Variants in USHBP1 observed in about 807,000 individuals in gnomAD.
USHBP1 encodes harmonin-binding protein USHBP1.
Under a neutral mutation model 76.2 loss-of-function variants are expected in USHBP1, and 67 were observed. The observed-to-expected ratio is 0.88, with a 90% confidence interval of 0.72 to 1.08. The LOEUF (loss-of-function observed/expected upper bound fraction) is 1.08, where lower values mean the gene tolerates loss of function less well. Ranked by LOEUF, USHBP1 falls within the 50% of genes least tolerant of loss-of-function variation. The pLI, the probability that USHBP1 is intolerant of heterozygous loss-of-function variation, is 0.00. For synonymous variants in USHBP1, 322 were observed against 362.2 expected, an observed-to-expected ratio of 0.89 and a Z score of 1.26; for missense variants, 931 against 915.0, an observed-to-expected ratio of 1.02 and a Z score of -0.23.
In USHBP1 at chr19:17,250,230, G is replaced by A. The variant is rs757600044; in HGVS notation, c.2107C>T (p.Leu703=). 1 of 1,607,492 alleles carries A rather than the reference G, an allele frequency of 6.2e-7. No homozygotes were observed. The highest frequency in any genetic ancestry group is 1.3e-5 in the African/African-American group (1 of 74,688). The change falls in exon 13 of 13, where the codon CTG becomes TTG. Residue 703 remains leucine, a synonymous_variant. Coordinates refer to ENST00000252597, the MANE Select transcript of USHBP1 (RefSeq NM_031941.4). Reference sequence around the variant, plus strand: ...GACATGGCTGGGTAAGGGGCCTACAGAAAGGTGTCCCCAAGCTGGGGAGGC... The same window carrying A: ...GACATGGCTGGGTAAGGGGCCTACAAAAAGGTGTCCCCAAGCTGGGGAGGC... ...LPPPQLGDTF[L] is the part of the protein sequence containing the mutation.
At chr19:17,256,853 C>T (rs2073626341) in intron 8 of USHBP1, 133 bp from the exon 9 acceptor site, 2 of 1,336,194 alleles carry the variant, frequency 1.5e-6, no homozygotes, top group South Asian at 2.8e-5. Context: ...TTTGGTGGTC[C>T]CTGTCACACC....
intron 11 of USHBP1, 99 bp downstream of exon 11, chr19:17,251,812 C>T: frequency 6.4e-7 from 1 of 1,564,828 alleles, no homozygotes; most frequent in Non-Finnish European, 8.6e-7. Flanking sequence ...CACCTGTACA[C>T]CGGGGTACAC....
chr19:17,256,402 C>G (rs935256928), intron 9 of USHBP1, 69 bp downstream of exon 9: 2 of 1,588,352 alleles, frequency 1.3e-6, no homozygotes, highest in African/African-American at 1.3e-5. Context: ...GCTCCTTGGT[C>G]CCCCGACCTC....
At chr19:17,264,635 C>G (rs1432163980) in intron 1 of USHBP1, 36 bp downstream of exon 1, 2 of 365,294 alleles carry the variant, frequency 5.5e-6, no homozygotes, top group East Asian at 6.0e-5. Flanking sequence ...CCTCTCCTCC[C>G]CGGCCCTCCT....
intron 10 of USHBP1, among the ~76,000 whole-genome samples, chr19:17,252,648 A>G (rs925898941): frequency 5.3e-5 from 8 of 151,710 alleles, no homozygotes; most frequent in Non-Finnish European, 1.0e-4. Context: ...AATCGCTTGA[A>G]CTTGGGAGGC....
chr19:17,259,947 C>T lies in USHBP1; in HGVS notation c.718G>A (p.Gly240Ser). ...GCCTCAGAGCTGCTAGAACCACTGC[C>T]TGAGCCACCTGCTTGGTTGTGGGAA... Reference protein sequence around the residue: ...HLSHNQAGGSGSGSSSSEADR... With the variant: ...HLSHNQAGGSSSGSSSSEADR... The change falls in exon 5 of 13, where the codon GGC becomes AGC. Residue 240 changes from glycine (G) to serine (S), a missense_variant. Transcript: ENST00000252597. 1 of 1,614,098 alleles carries T rather than the reference C, an allele frequency of 6.2e-7. No individual in the cohort carries two copies. The highest frequency in any genetic ancestry group is 8.5e-7 in the Non-Finnish European group (1 of 1,179,984).
Position 17,259,941 on chromosome 19 carries a change from C to A in USHBP1, c.724G>T (p.Gly242Cys). ...CTGTCTGCCTCAGAGCTGCTAGAAC[C>A]ACTGCCTGAGCCACCTGCTTGGTTG... ...SHNQAGGSGS[G>C]SSSSEADREP... Residue 242 changes from glycine (G) to cysteine (C), a missense_variant, in exon 5 of 13, where the codon GGT becomes TGT. Coordinates refer to ENST00000252597, the MANE Select transcript of USHBP1 (RefSeq NM_031941.4). The A allele has an allele frequency of 6.2e-7, 1 of 1,614,072 alleles. No individual in the cohort carries two copies. The highest frequency in any genetic ancestry group is 1.1e-5 in the South Asian group (1 of 91,080).
rs34349584 is a variant in USHBP1 at position 17,262,763 on chromosome 19, G to C, written c.431C>G (p.Ser144Cys). 3 of 1,614,218 alleles carry C rather than the reference G, an allele frequency of 1.9e-6. No homozygotes were observed. The highest frequency in any genetic ancestry group is 2.5e-6 in the Non-Finnish European group (3 of 1,180,032). Residue 144 changes from serine (S) to cysteine (C), a missense_variant, in exon 4 of 13, where the codon TCT becomes TGT. Coordinates refer to ENST00000252597, the MANE Select transcript of USHBP1 (RefSeq NM_031941.4). ...AAWRHQPPSH[S>C]GPMEFEGTSE... Reference sequence around the variant, plus strand: ...TGTGCCTTCGAACTCCATCGGCCCAGAATGGCTGGGGGGCTGGTGGCGCCA... The same window carrying C: ...TGTGCCTTCGAACTCCATCGGCCCACAATGGCTGGGGGGCTGGTGGCGCCA...
rs1414115336 is a variant in USHBP1 at position 17,259,486 on chromosome 19, T to G, written c.906-57A>C. ...AGAGGCCTTCTAAGGCAGTCAGGCC[T>G]CAATTTCCACCCTTTCCCTCCCTCC... On this transcript the variant is annotated intron_variant, in intron 6 of 12. Coordinates refer to ENST00000252597, the MANE Select transcript of USHBP1 (RefSeq NM_031941.4). 2.5e-6 allele frequency: 4 copies of G among 1,609,708 alleles called. No individual in the cohort carries two copies. In the Admixed American group the frequency reaches 6.9e-5, roughly 28 times the overall value.
At chr19:17,256,840 A>G in intron 8 of USHBP1, 120 bp from the exon 9 acceptor site, 11 of 1,430,542 alleles carry the variant, frequency 7.7e-6, no homozygotes, top group Non-Finnish European at 1.0e-5. Flanking sequence ...AATCTATGCC[A>G]TCTTTGGTGG....
In USHBP1 at chr19:17,255,505, G is replaced by T. The variant is rs368256280; in HGVS notation, c.1572C>A (p.His524Gln). 1.9e-6 allele frequency: 3 copies of T among 1,613,912 alleles called. No individual in the cohort carries two copies. The highest frequency in any genetic ancestry group is 3.3e-4 in the Middle Eastern group (2 of 6,060). Residue 524 changes from histidine (H) to glutamine (Q), a missense_variant, in exon 10 of 13, where the codon CAC (histidine) becomes CAA (glutamine). Transcript: ENST00000252597. ...EAALRALGPA[H>Q]VLLLEQLRWE... Reference sequence around the variant, plus strand: ...ACCGCAGCTGCTCCAGCAGGAGCACGTGAGCTGGACCCAGGGCTCGGAGGG... The same window carrying T: ...ACCGCAGCTGCTCCAGCAGGAGCACTTGAGCTGGACCCAGGGCTCGGAGGG...
chr19:17,254,205 G>C (rs1023648666), intron 10 of USHBP1, among the ~76,000 whole-genome samples: 2 of 152,034 alleles, frequency 1.3e-5, no homozygotes, highest in Non-Finnish European at 2.9e-5. Context: ...AAATTAGCCG[G>C]GTGTGGTGGC....
intron 7 of USHBP1, chr19:17,258,706 C>CT: frequency 5.3e-6 from 1 of 189,858 alleles, no homozygotes; most frequent in Non-Finnish European, 9.8e-6. Context: ...AAGACTCTGT[C>CT]TCAAAAAAAA....
Position 17,264,127 on chromosome 19 carries a change from C to G in USHBP1, c.78G>C (p.Glu26Asp), listed in dbSNP as rs773882958. The G allele has an allele frequency of 4.3e-5, 69 of 1,613,854 alleles. No individual in the cohort carries two copies. Among genetic ancestry groups the G allele is most frequent in the Non-Finnish European group, 4.9e-5 (58 of 1,179,886 alleles). Residue 26 changes from glutamate to aspartate, a missense_variant, in exon 3 of 13, where the codon GAG becomes GAC. Physicochemically the swap from Glu to Asp is conservative, Grantham distance 45 (BLOSUM62 2). Coordinates refer to ENST00000252597, the MANE Select transcript of USHBP1 (RefSeq NM_031941.4). ...APPGELDPVAESSEEVEAASG... is the reference protein window; with the variant it reads ...APPGELDPVADSSEEVEAASG... The stretch of plus-strand genomic sequence containing the variant: ...TGGCTGCCTCGACCTCCTCTGAACT[C>G]TCAGCCACGGGATCCAGTTCACCCT...
intron 10 of USHBP1, among the ~76,000 whole-genome samples, chr19:17,253,325 G>GC (rs764277849): frequency 4.1e-4 from 7 of 16,924 alleles, no homozygotes; most frequent in African/African-American, 3.3e-3. Context: ...ACGGAGTCTC[G>GC]TCGCCCAGGC....
At chr19:17,250,486 C>T in intron 12 of USHBP1, 72 bp from the exon 13 acceptor site, 1 of 1,511,846 alleles carries the variant, frequency 6.6e-7, no homozygotes, top group Non-Finnish European at 8.9e-7. Context: ...TGTACTCCCA[C>T]TCCCAGAATG....
intron 7 of USHBP1, among the ~76,000 whole-genome samples, chr19:17,259,066 G>A (rs2073656277): frequency 1.3e-5 from 2 of 152,098 alleles, no homozygotes; most frequent in African/African-American, 4.8e-5. Flanking sequence ...TCAGGAGGCT[G>A]AGACATGAGT....
intron 10 of USHBP1, 73 bp downstream of exon 10, chr19:17,255,312 A>T (rs76554532): frequency 7.5e-7 from 1 of 1,339,590 alleles, no homozygotes. Flanking sequence ...AAAAAAAAAA[A>T]GGCTGTGATT....
chr19:17,250,887 T>C (rs996598161), intron 12 of USHBP1, among the ~76,000 whole-genome samples: 1 of 149,692 alleles, frequency 6.7e-6, no homozygotes, highest in Admixed American at 6.7e-5. Context: ...TGAGATGGGG[T>C]TTCGCTCTTG....
Sources: allele counts gnomAD v4.1 joint callset (sites outside exome capture counted in the v4.1 genomes callset), GRCh38; gene constraint gnomAD v4.1.1; transcripts MANE v1.5; gene names NCBI Gene and HGNC (gene_info 2026-07-23, HGNC 2026-07-21).